MAP2K5: variants seen among roughly 807,000 people sequenced by gnomAD.
The protein encoded by MAP2K5 is dual specificity mitogen-activated protein kinase kinase 5.
Under a neutral mutation model 83.1 loss-of-function variants are expected in MAP2K5, and 49 were observed. The ratio of observed to expected loss-of-function variants is 0.59; its 90% CI spans 0.47 to 0.75. The LOEUF is 0.75. MAP2K5 is among the 30% of genes least tolerant of loss of function. The pLI is 0.00. For missense variants in MAP2K5, 457 were observed against 557.5 expected, an observed-to-expected ratio of 0.82 and a Z score of 1.82; for synonymous variants, 202 against 191.8, an observed-to-expected ratio of 1.05 and a Z score of -0.44.
At chr15:67,613,494 T>G (rs1596650458) in intron 8 of MAP2K5, among the ~76,000 whole-genome samples, 1 of 152,188 alleles carries the variant, frequency 6.6e-6, no homozygotes, top group African/African-American at 2.4e-5. Context: ...ATGCTTGAGC[T>G]TAGTTTTAAA....
rs2088868813 is a variant in MAP2K5 at position 67,718,112 on chromosome 15, A to AGAGGCCG, written c.1045-9798_1045-9797insGGAGGCC. Reference sequence around the variant, plus strand: ...TTCCAACAGGAGCAGCAGCATGTACAGAGGCCAGAAGTATGAGAATATCAG... The same window carrying AGAGGCCG: ...TTCCAACAGGAGCAGCAGCATGTACAGAGGCCGGAGGCCAGAAGTATGAGAATATCAG... On this transcript the variant is annotated intron_variant, in intron 16 of 21. Coordinates refer to ENST00000178640, the MANE Select transcript of MAP2K5 (RefSeq NM_145160.3). The AGAGGCCG allele has an allele frequency of 2.0e-5, 3 of 152,386 alleles. No individual in the cohort carries two copies. The South Asian group carries it at 6.2e-4, about 32-fold the overall frequency. The allele number at this position is 152,386 out of a possible 1,614,324, so 9.4% of individuals were successfully genotyped here.
At chr15:67,581,907 G>A (rs573752153) in intron 4 of MAP2K5, among the ~76,000 whole-genome samples, 1 of 152,134 alleles carries the variant, frequency 6.6e-6, no homozygotes, top group Non-Finnish European at 1.5e-5. Context: ...TGCTAAGTAA[G>A]TACAGTTGGG....
intron 8 of MAP2K5, chr15:67,628,800 G>A (rs2086387816): frequency 4.0e-6 from 3 of 751,620 alleles, no homozygotes; most frequent in Non-Finnish European, 7.3e-6. Context: ...GGTGTTTTTA[G>A]TGGGAATGAC....
At chr15:67,737,288 A>G (rs1043864309) in intron 17 of MAP2K5, among the ~76,000 whole-genome samples, 4 of 152,192 alleles carry the variant, frequency 2.6e-5, no homozygotes, top group African/African-American at 7.2e-5. Context: ...ACAGACAAAG[A>G]CATCAACTTT....
intron 13 of MAP2K5, among the ~76,000 whole-genome samples, chr15:67,692,183 G>C (rs1205731202): frequency 1.3e-5 from 2 of 152,078 alleles, no homozygotes; most frequent in Non-Finnish European, 2.9e-5. Flanking sequence ...GAAAAACTAG[G>C]GATAGGATGA....
chr15:67,641,345 C>A, intron 9 of MAP2K5: 1 of 255,052 alleles, frequency 3.9e-6, no homozygotes, highest in Non-Finnish European at 6.7e-6. Context: ...CTGAGTTGTA[C>A]ATACTGTAAA....
chr15:67,774,687 A>G lies in MAP2K5; in HGVS notation c.1242+1935A>G, dbSNP rs902329269. 6.6e-6 allele frequency among the ~76,000 whole-genome samples: 1 copy of G among 152,126 alleles called. No homozygotes were observed. Among genetic ancestry groups the G allele is most frequent in the Non-Finnish European group, 1.5e-5 (1 of 68,032 alleles). ...TCTCTTCCCACCTACAACCTATTTGATGGTGCTCCCATCTGGAAGCCGAGA... is the reference window on the plus strand; with the variant it reads ...TCTCTTCCCACCTACAACCTATTTGGTGGTGCTCCCATCTGGAAGCCGAGA... On this transcript the variant is annotated intron_variant, in intron 21 of 21. Coordinates refer to ENST00000178640, the MANE Select transcript of MAP2K5 (RefSeq NM_145160.3). This position sits in a 1 kb window ranked among gnomAD's most constrained non-coding sequence, Gnocchi z 4.9.
chr15:67,646,815 T>G (rs2141119803), intron 11 of MAP2K5, among the ~76,000 whole-genome samples: 1 of 152,326 alleles, frequency 6.6e-6, no homozygotes, highest in East Asian at 1.9e-4. Flanking sequence ...CAAAACAGAT[T>G]TTCTTTTAAA....
rs2090814072 is a variant in MAP2K5, at chr15:67,806,625, GCCT to G, written c.1243-13_1243-11del. ...GGGAGTCCGAGGACTGCCTGTCACA[GCCT>G]CCTCCTCTTCCCCGCAGGGCCACCC... On this transcript the variant is annotated intron_variant, in intron 21 of 21. Transcript: ENST00000178640. The G allele has an allele frequency of 1.9e-6, 3 of 1,545,164 alleles. No homozygotes were observed. Among genetic ancestry groups the G allele is most frequent in the East Asian group, 2.4e-5 (1 of 40,904 alleles).
chr15:67,761,816 T>C (rs1416364700), intron 19 of MAP2K5, among the ~76,000 whole-genome samples: 1 of 152,228 alleles, frequency 6.6e-6, no homozygotes, highest in Non-Finnish European at 1.5e-5. Flanking sequence ...TTGTTTTTAA[T>C]ATAATTTATG....
chr15:67,799,988 C>A (rs1423440234), intron 21 of MAP2K5, among the ~76,000 whole-genome samples: 1 of 152,226 alleles, frequency 6.6e-6, no homozygotes, highest in Non-Finnish European at 1.5e-5. Context: ...CTTCCTCTTG[C>A]TGAGTCACTT....
intron 15 of MAP2K5, among the ~76,000 whole-genome samples, chr15:67,700,052 T>C (rs1472626133): frequency 6.6e-6 from 1 of 152,212 alleles, no homozygotes; most frequent in Non-Finnish European, 1.5e-5. Flanking sequence ...GCCTACTTTG[T>C]TAATTTTCTA....
At chr15:67,635,128 C>T (rs1283192967) in intron 9 of MAP2K5, among the ~76,000 whole-genome samples, 1 of 151,552 alleles carries the variant, frequency 6.6e-6, no homozygotes, top group Non-Finnish European at 1.5e-5. Flanking sequence ...ATCCATTTTA[C>T]ATCATCATAT....
intron 8 of MAP2K5, among the ~76,000 whole-genome samples, chr15:67,625,267 G>A (rs1408881603): frequency 2.0e-5 from 3 of 152,142 alleles, no homozygotes; most frequent in Non-Finnish European, 4.4e-5. Flanking sequence ...ACTTACACCA[G>A]GCGACTAACT....
intron 6 of MAP2K5, 80 bp from the exon 7 acceptor site, chr15:67,592,846 G>A: frequency 1.1e-6 from 1 of 934,950 alleles, no homozygotes; most frequent in Admixed American, 1.9e-5. Context: ...TAAAAGCAAA[G>A]GTGTATTTCA....
At chr15:67,696,419 G>A (rs1011704430) in intron 15 of MAP2K5, among the ~76,000 whole-genome samples, 1 of 152,074 alleles carries the variant, frequency 6.6e-6, no homozygotes, top group African/African-American at 2.4e-5. Context: ...GAAAGTATAT[G>A]GCTCATAACA....
intron 16 of MAP2K5, among the ~76,000 whole-genome samples, chr15:67,716,741 C>A (rs1168557061): frequency 1.3e-5 from 2 of 152,176 alleles, no homozygotes; most frequent in Non-Finnish European, 2.9e-5. Context: ...ATGTAGTGCT[C>A]TTTCCTCTCT....
chr15:67,772,579 G>C, intron 20 of MAP2K5, 128 bp from the exon 21 acceptor site: 1 of 533,078 alleles, frequency 1.9e-6, no homozygotes, highest in Non-Finnish European at 3.2e-6. Flanking sequence ...TAATACTTTG[G>C]CCAAGAATTG....
chr15:67,634,970 C>G (rs1345024396), intron 9 of MAP2K5, among the ~76,000 whole-genome samples: 1 of 151,952 alleles, frequency 6.6e-6, no homozygotes, highest in African/African-American at 2.4e-5. Context: ...ATTTGTTCTG[C>G]CTGTATGCCC....
Sources: allele counts gnomAD v4.1 joint callset (sites outside exome capture counted in the v4.1 genomes callset), GRCh38; gene constraint gnomAD v4.1.1; non-coding constraint Gnocchi (gnomAD v3.1); transcripts MANE v1.5; gene names NCBI Gene and HGNC (gene_info 2026-07-23, HGNC 2026-07-21).